The following PACS1 variants were observed in gnomAD, a reference collection of about 807,000 sequenced individuals.
The protein encoded by PACS1 is PACS-1.
Under a neutral mutation model 115.0 loss-of-function variants are expected in PACS1, and 24 were observed. The ratio of observed to expected loss-of-function variants is 0.21; its 90% CI spans 0.15 to 0.29. The LOEUF (loss-of-function observed/expected upper bound fraction) is 0.29. PACS1 is among the 10% of genes least tolerant of loss of function. The probability of loss-of-function intolerance (pLI) is 1.00; values close to 1 mark genes in which losing one functional copy is unlikely to be tolerated. For missense variants in PACS1, 838 were observed against 1,251.2 expected, an observed-to-expected ratio of 0.67 and a Z score of 4.98; for synonymous variants, 453 against 504.5, an observed-to-expected ratio of 0.90 and a Z score of 1.37.
chr11:66,217,489 A>T (rs1245696469), intron 7 of PACS1: 1 of 451,850 alleles, frequency 2.2e-6, no homozygotes, highest in South Asian at 1.6e-5. Flanking sequence ...ACCCAGAGGC[A>T]TCCTGATTCT....
In PACS1 at chr11:66,236,543, T is replaced by C. The variant is rs940562546; in HGVS notation, c.2250+603T>C. 6.6e-6 allele frequency among the ~76,000 whole-genome samples: 1 copy of C among 150,728 alleles called. No homozygotes were observed. The highest frequency in any genetic ancestry group is 6.6e-5 in the Admixed American group (1 of 15,256). On this transcript the variant is annotated intron_variant, in intron 19 of 23. Transcript: ENST00000320580. This position sits in a 1 kb window ranked among gnomAD's most constrained non-coding sequence, Gnocchi z 4.2. ...TCTCTATACTAGTAAACTTTGAAAG[T>C]CAAGGAAGAACCCCGTGGATGTCTC...
At chr11:66,142,504 C>T (rs377134511) in intron 1 of PACS1, among the ~76,000 whole-genome samples, 202 of 151,412 alleles carry the variant, frequency 1.3e-3, no homozygotes, top group African/African-American at 4.1e-3. Context: ...GATGGGGTTT[C>T]GCCATGGTGC....
At chr11:66,147,989 A>G (rs779799637) in intron 1 of PACS1, among the ~76,000 whole-genome samples, 5 of 152,162 alleles carry the variant, frequency 3.3e-5, no homozygotes, top group Non-Finnish European at 7.3e-5. Flanking sequence ...AAAAATTAAA[A>G]ATAAATTTTT....
chr11:66,119,794 C>G (rs1858398000), intron 1 of PACS1, among the ~76,000 whole-genome samples: 1 of 152,186 alleles, frequency 6.6e-6, no homozygotes, highest in African/African-American at 2.4e-5. Flanking sequence ...GCGGGATCCA[C>G]TCCTGGTGTG....
At chr11:66,156,651 G>A (rs1378682685) in intron 1 of PACS1, among the ~76,000 whole-genome samples, 4 of 152,014 alleles carry the variant, frequency 2.6e-5, no homozygotes, top group African/African-American at 9.7e-5. Context: ...TCAGGAGATC[G>A]AGACCATCCT....
chr11:66,153,017 G>A lies in PACS1; in HGVS notation c.357-40469G>A, dbSNP rs192065175. On this transcript the variant is annotated intron_variant, in intron 1 of 23. Transcript: ENST00000320580. ...AGAATGAAGGGAAATGATACCAGGTGGTAACTCATCTACAGGAAGAAATAA... is the reference window on the plus strand; with the variant it reads ...AGAATGAAGGGAAATGATACCAGGTAGTAACTCATCTACAGGAAGAAATAA... Among the ~76,000 whole-genome samples the A allele has an allele frequency of 1.5e-3, 233 of 152,276 alleles. 1 individual carries two copies. The highest frequency in any genetic ancestry group is 2.4e-3 in the Non-Finnish European group (160 of 68,024).
At chr11:66,128,061 A>G (rs549392632) in intron 1 of PACS1, among the ~76,000 whole-genome samples, 37 of 152,316 alleles carry the variant, frequency 2.4e-4, no homozygotes, top group African/African-American at 8.7e-4. Context: ...TTTTTCAACA[A>G]ATAAATCATA....
intron 1 of PACS1, among the ~76,000 whole-genome samples, chr11:66,093,237 G>A (rs1457528882): frequency 5.3e-5 from 8 of 152,008 alleles, no homozygotes; most frequent in South Asian, 2.1e-4. Context: ...TTCACGTCCC[G>A]TGTAAGTTGG....
chr11:66,082,517 A>C (rs898542617), intron 1 of PACS1, among the ~76,000 whole-genome samples: 2 of 152,224 alleles, frequency 1.3e-5, no homozygotes, highest in Non-Finnish European at 1.5e-5. Flanking sequence ...AAAACAAACA[A>C]AAAAACACCT....
intron 3 of PACS1, 52 bp downstream of exon 3, chr11:66,210,503 C>G: frequency 8.0e-7 from 1 of 1,254,316 alleles, no homozygotes; most frequent in Non-Finnish European, 1.2e-6. Flanking sequence ...TGGCTAGTCC[C>G]CAGACAGTCC....
At chr11:66,163,788 C>G (rs1278844816) in intron 1 of PACS1, among the ~76,000 whole-genome samples, 1 of 152,002 alleles carries the variant, frequency 6.6e-6, no homozygotes, top group African/African-American at 2.4e-5. Flanking sequence ...ATAGGTCTTG[C>G]CTTGAGGTGG....
At chr11:66,225,463 A>G (rs1432223720) in intron 10 of PACS1, among the ~76,000 whole-genome samples, 1 of 152,252 alleles carries the variant, frequency 6.6e-6, no homozygotes, top group Non-Finnish European at 1.5e-5. Flanking sequence ...TGGAAGAGCC[A>G]GTAAATAGCC....
rs1465418607 is a variant in PACS1 at position 66,166,477 on chromosome 11, G to A, written c.357-27009G>A. On this transcript the variant is annotated intron_variant, in intron 1 of 23. Transcript: ENST00000320580. ...TCACATCTTACAGCTGTCGTCATTT[G>A]CCATGCACTAGACATCCTTGCCTTG... is the stretch of plus-strand genomic sequence containing the variant. Among the ~76,000 whole-genome samples the A allele has an allele frequency of 1.4e-5, 2 of 142,976 alleles. 1 individual carries two copies. Among genetic ancestry groups the A allele is most frequent in the Admixed American group, 1.3e-4 (2 of 14,862 alleles). 93.8% of individuals were successfully genotyped at this position (142,976 alleles called of 152,430 possible). A position where few individuals can be genotyped will look rare whatever the true frequency, so the allele number is the denominator to read the frequency against.
At position 66,238,967 on chromosome 11, in the gene PACS1, A is replaced by G; in HGVS notation, c.2293+121A>G. On this transcript the variant is annotated intron_variant, in intron 20 of 23. Transcript: ENST00000320580. ...TGAGGGAAGTCAGAGCTTGAGCAGG[A>G]AGCCTATGGGCGCCCTCACTCCCCT... The G allele has an allele frequency of 2.9e-6, 4 of 1,358,554 alleles. No homozygotes were observed. The Middle Eastern group carries it at 6.0e-4, about 203-fold the overall frequency. The allele number at this position is 1,358,554 out of a possible 1,614,324, so 84.2% of individuals were successfully genotyped here.
intron 1 of PACS1, among the ~76,000 whole-genome samples, chr11:66,125,677 GATAAA>G (rs1210449184): frequency 1.3e-5 from 2 of 152,142 alleles, no homozygotes; most frequent in African/African-American, 2.4e-5. Flanking sequence ...TGCCTGTGTA[GATAAA>G]ATAAAATAGA....
At chr11:66,106,406 T>C (rs889949357) in intron 1 of PACS1, among the ~76,000 whole-genome samples, 1 of 152,046 alleles carries the variant, frequency 6.6e-6, no homozygotes, top group African/African-American at 2.4e-5. Flanking sequence ...ACCCCATTTC[T>C]ACTAAAAATA....
At chr11:66,191,243 C>A (rs536971418) in intron 1 of PACS1, among the ~76,000 whole-genome samples, 1 of 152,322 alleles carries the variant, frequency 6.6e-6, no homozygotes, top group Admixed American at 6.5e-5. Context: ...CCTCCTTTGA[C>A]TCTTTCCTCC....
chr11:66,209,455 G>A (rs998292288), intron 2 of PACS1, among the ~76,000 whole-genome samples: 3 of 152,158 alleles, frequency 2.0e-5, no homozygotes, highest in Admixed American at 6.5e-5. Context: ...TGACACTACC[G>A]GCCTCTTCCC....
At chr11:66,192,115 C>A (rs1170880170) in intron 1 of PACS1, among the ~76,000 whole-genome samples, 6 of 151,178 alleles carry the variant, frequency 4.0e-5, no homozygotes, top group African/African-American at 7.3e-5. Flanking sequence ...AAAAAAAAAA[C>A]AAAACATGAA....
Sources: allele counts gnomAD v4.1 joint callset (sites outside exome capture counted in the v4.1 genomes callset), GRCh38; gene constraint gnomAD v4.1.1; non-coding constraint Gnocchi (gnomAD v3.1); transcripts MANE v1.5; gene names NCBI Gene and HGNC (gene_info 2026-07-23, HGNC 2026-07-21).